The following CASD1 variants were observed in gnomAD, a reference collection of about 807,000 sequenced individuals.
CASD1 encodes N-acetylneuraminate (7)9-O-acetyltransferase.
CASD1 carries 41 observed loss-of-function variants against 100.0 expected under a neutral mutation model. The observed-to-expected ratio is 0.41, with a 90% CI of 0.32 to 0.53. CASD1 has a LOEUF of 0.53. Ranked by LOEUF, CASD1 falls within the 20% of genes least tolerant of loss-of-function variation. The pLI is 0.25. For synonymous variants in CASD1, 321 were observed against 315.6 expected (o/e 1.02, Z -0.18); for missense variants, 774 against 948.7 (o/e 0.82, Z 2.42).
the CASD1 span, chr7:94,586,995 A>G: frequency 1.0e-6 from 1 of 984,330 alleles, no homozygotes; most frequent in Non-Finnish European, 1.2e-6. Context: ...TTGCAGAAAA[A>G]TGTAAGAAAA....
At chr7:94,603,371 A>G in the CASD1 span, 2 of 1,612,652 alleles carry the variant, frequency 1.2e-6, no homozygotes, top group Non-Finnish European at 1.7e-6. Context: ...TTTCTTGACT[A>G]CATCTCAATT....
the CASD1 span, chr7:94,585,338 TA>T: frequency 1.7e-6 from 1 of 577,608 alleles, no homozygotes; most frequent in Non-Finnish European, 3.1e-6. Flanking sequence ...AATACATTAG[TA>T]AAATGAAAGT....
At chr7:94,571,790 C>T in the CASD1 span, among the ~76,000 whole-genome samples, 1 of 151,312 alleles carries the variant, frequency 6.6e-6, no homozygotes, top group African/African-American at 2.4e-5. Context: ...CAAAATAAGC[C>T]TAGAATCAGA....
the CASD1 span, among the ~76,000 whole-genome samples, chr7:94,606,439 A>C: frequency 2.6e-5 from 4 of 152,222 alleles, no homozygotes; most frequent in Non-Finnish European, 5.9e-5. Flanking sequence ...TCACTCCTTA[A>C]TGTGTATATG....
chr7:94,534,435 CATT>C (rs970054732), intron 7 of CASD1, among the ~76,000 whole-genome samples: 1 of 151,884 alleles, frequency 6.6e-6, no homozygotes, highest in African/African-American at 2.4e-5. Flanking sequence ...TTAATAAAGT[CATT>C]AGAAGTAAAT....
rs116559177 is a variant in CASD1 at position 94,544,293 on chromosome 7, A to G, written c.1357-118A>G. On this transcript the variant is annotated intron_variant, in intron 10 of 17. Coordinates refer to ENST00000297273, the MANE Select transcript of CASD1 (RefSeq NM_022900.5). ...CTAACTTTTGAGAATCAACTTTGTG[A>G]TTGAGCTGATGCCAAATGCTAATAA... 1.9e-4 allele frequency: 234 copies of G among 1,249,808 alleles called. No homozygotes were observed. The African/African-American group carries it at 2.8e-3, about 15-fold the overall frequency. 77.4% of individuals were successfully genotyped at this position (1,249,808 alleles called of 1,614,324 possible). A position where few individuals can be genotyped will look rare whatever the true frequency, so the allele number is the denominator to read the frequency against.
At chr7:94,604,086 A>C in the CASD1 span, among the ~76,000 whole-genome samples, 2 of 152,266 alleles carry the variant, frequency 1.3e-5, no homozygotes, top group African/African-American at 4.8e-5. Context: ...GAGGCAAACA[A>C]AATATTTTGT....
chr7:94,629,585 C>T, the CASD1 span: 117,543 of 817,342 alleles, frequency 0.14, 9,456 homozygotes, highest in South Asian at 0.24. Flanking sequence ...TGAGAAATAT[C>T]CTACAACAAT....
At chr7:94,527,416 G>C (rs1794630297) in intron 4 of CASD1, among the ~76,000 whole-genome samples, 1 of 152,186 alleles carries the variant, frequency 6.6e-6, no homozygotes, top group African/African-American at 2.4e-5. Flanking sequence ...AAACCAGTAT[G>C]TGTTCCGGGT....
chr7:94,534,517 G>C (rs1486783720), intron 7 of CASD1, among the ~76,000 whole-genome samples: 1 of 152,100 alleles, frequency 6.6e-6, no homozygotes, highest in African/African-American at 2.4e-5. Flanking sequence ...CTTTTGAATT[G>C]ACAGAATATG....
chr7:94,629,760 C>G, the CASD1 span: 23 of 1,611,362 alleles, frequency 1.4e-5, no homozygotes, highest in South Asian at 4.4e-5. Flanking sequence ...AAAATATTCT[C>G]TTTCCAAAAC....
At chr7:94,525,637 A>G (rs368219041) in intron 3 of CASD1, among the ~76,000 whole-genome samples, 1 of 152,220 alleles carries the variant, frequency 6.6e-6, no homozygotes, top group East Asian at 1.9e-4. Flanking sequence ...ACAAATTTTT[A>G]AAAGGTTGAG....
chr7:94,548,982 GGGTAT>G, intron 13 of CASD1, among the ~76,000 whole-genome samples: 1 of 151,914 alleles, frequency 6.6e-6, no homozygotes, highest in Non-Finnish European at 1.5e-5. Context: ...AATGGAATTT[GGGTAT>G]GGTTGATTGA....
At chr7:94,548,487 C>G (rs2116400192) in intron 13 of CASD1, among the ~76,000 whole-genome samples, 1 of 151,752 alleles carries the variant, frequency 6.6e-6, no homozygotes, top group Non-Finnish European at 1.5e-5. Context: ...GTACTTCAGA[C>G]TTCAGATTGC....
intron 3 of CASD1, among the ~76,000 whole-genome samples, chr7:94,521,194 A>C (rs1439758791): frequency 6.6e-6 from 1 of 152,220 alleles, no homozygotes; most frequent in Non-Finnish European, 1.5e-5. Context: ...GATGTATTAT[A>C]GGACATTCTC....
the CASD1 span, among the ~76,000 whole-genome samples, chr7:94,581,965 T>C: frequency 2.0e-5 from 3 of 152,230 alleles, no homozygotes; most frequent in Admixed American, 6.5e-5. Context: ...TCTTCCACAA[T>C]GGTTGAACTA....
At chr7:94,628,076 C>A in the CASD1 span, 1 of 712,284 alleles carries the variant, frequency 1.4e-6, no homozygotes, top group South Asian at 1.6e-5. Context: ...TTTCCATGCA[C>A]AAAATATTAA....
chr7:94,578,590 T>A, the CASD1 span, among the ~76,000 whole-genome samples: 1 of 152,200 alleles, frequency 6.6e-6, no homozygotes, highest in African/African-American at 2.4e-5. Flanking sequence ...AATTAAATTA[T>A]ATCTCACAGG....
At chr7:94,517,733 T>G (rs1794047738) in intron 2 of CASD1, 77 bp downstream of exon 2, 1 of 838,582 alleles carries the variant, frequency 1.2e-6, no homozygotes, top group African/African-American at 1.7e-5. Flanking sequence ...GGTGAAACAG[T>G]ACTTTTCATC....
Sources: gnomAD v4.1 joint callset for allele counts (sites outside exome capture counted in the v4.1 genomes callset) on GRCh38, gnomAD v4.1.1 for gene constraint, MANE v1.5 for transcripts, NCBI Gene and HGNC (gene_info 2026-07-23, HGNC 2026-07-21) for gene names.